Variants in NEK10 observed in about 807,000 individuals in gnomAD.
The protein encoded by NEK10 is NIMA related kinase 10.
Under a neutral mutation model 159.8 loss-of-function variants are expected in NEK10, and 122 were observed. That is an observed-to-expected ratio of 0.76 (90% CI 0.66 to 0.89). NEK10 has a LOEUF of 0.89. Among genes scored for constraint, NEK10 ranks in the 40% least tolerant of loss-of-function variants. NEK10 has a pLI of 0.00. For missense variants in NEK10, 1,342 were observed against 1,323.1 expected, an observed-to-expected ratio of 1.01 and a Z score of -0.22; for synonymous variants, 466 against 457.1, an observed-to-expected ratio of 1.02 and a Z score of -0.25.
At chr3:27,145,554 C>A (rs1210312664) in intron 30 of NEK10, among the ~76,000 whole-genome samples, 1 of 152,296 alleles carries the variant, frequency 6.6e-6, no homozygotes, top group African/African-American at 2.4e-5. Context: ...TTTGTTTCCC[C>A]TTTGCAGTGT....
chr3:27,119,924 G>A (rs1446699459), intron 32 of NEK10, 56 bp from the exon 33 acceptor site: 9 of 1,317,678 alleles, frequency 6.8e-6, no homozygotes, highest in Non-Finnish European at 9.9e-6. Flanking sequence ...GAAATGGCAG[G>A]AGACCTCTGT....
intron 22 of NEK10, among the ~76,000 whole-genome samples, chr3:27,259,783 G>A (rs1425011504): frequency 6.6e-6 from 1 of 152,074 alleles, no homozygotes; most frequent in Non-Finnish European, 1.5e-5. Context: ...GATGGGGATG[G>A]CATTGAACCT....
At chr3:27,357,619 G>A (rs925870903) in intron 1 of NEK10, among the ~76,000 whole-genome samples, 2 of 152,198 alleles carry the variant, frequency 1.3e-5, no homozygotes, top group African/African-American at 4.8e-5. Flanking sequence ...TGGCAATGCT[G>A]AAGTGCTGTA....
At chr3:27,260,157 A>G (rs1378932417) in intron 22 of NEK10, among the ~76,000 whole-genome samples, 3 of 151,498 alleles carry the variant, frequency 2.0e-5, no homozygotes, top group Non-Finnish European at 4.4e-5. Context: ...CAATCATGTC[A>G]TCTGCAAACG....
At chr3:27,138,271 A>C (rs1943424875) in intron 31 of NEK10, among the ~76,000 whole-genome samples, 1 of 152,206 alleles carries the variant, frequency 6.6e-6, no homozygotes, top group Admixed American at 6.5e-5. Context: ...GCTACCCAGC[A>C]CAATACCCTC....
intron 22 of NEK10, among the ~76,000 whole-genome samples, chr3:27,280,102 A>C (rs1173409566): frequency 6.7e-6 from 1 of 149,360 alleles, no homozygotes; most frequent in African/African-American, 2.4e-5. Flanking sequence ...ATGGAAAAAA[A>C]AAAAAAAAAA....
At chr3:27,230,681 T>A (rs1953145985) in intron 23 of NEK10, among the ~76,000 whole-genome samples, 1 of 151,536 alleles carries the variant, frequency 6.6e-6, no homozygotes, top group South Asian at 2.1e-4. Flanking sequence ...AAAAAGATAA[T>A]CCATGCAAAA....
chr3:27,317,722 C>T (rs963117495), intron 6 of NEK10, among the ~76,000 whole-genome samples: 2 of 152,186 alleles, frequency 1.3e-5, no homozygotes, highest in Non-Finnish European at 2.9e-5. Context: ...ACTTTTAACA[C>T]TGAATCACTG....
intron 12 of NEK10, among the ~76,000 whole-genome samples, chr3:27,302,680 T>C (rs961789343): frequency 1.3e-5 from 2 of 152,212 alleles, no homozygotes; most frequent in African/African-American, 2.4e-5. Flanking sequence ...GTATTTATTT[T>C]TTATAGCAGC....
At chr3:27,312,814 T>G (rs1196885720) in intron 7 of NEK10, among the ~76,000 whole-genome samples, 1 of 152,138 alleles carries the variant, frequency 6.6e-6, no homozygotes, top group Non-Finnish European at 1.5e-5. Flanking sequence ...GAGGTACACC[T>G]CTAGTCAATT....
chr3:27,167,318 T>C (rs1946574345), intron 29 of NEK10, among the ~76,000 whole-genome samples: 1 of 152,210 alleles, frequency 6.6e-6, no homozygotes, highest in Non-Finnish European at 1.5e-5. Flanking sequence ...GGTTGGTACC[T>C]ATGTGCAATA....
chr3:27,178,614 T>C (rs1306641418), intron 26 of NEK10, among the ~76,000 whole-genome samples: 1 of 152,216 alleles, frequency 6.6e-6, no homozygotes, highest in African/African-American at 2.4e-5. Context: ...TTTTCATGGA[T>C]GATTGCACAA....
rs549884576 is a variant in NEK10 at position 27,108,221 on chromosome 3, A to C, written c.*3051T>G. 3.9e-5 allele frequency among the ~76,000 whole-genome samples: 6 copies of C among 152,328 alleles called. No individual in the cohort carries two copies. The South Asian group carries it at 1.2e-3, about 32-fold the overall frequency. On this transcript the variant is annotated 3_prime_UTR_variant, in exon 36 of 36. Transcript: ENST00000691995. ...ATTGTGTTCTGCTTTAGAATGCCTA[A>C]ACATTCTGTAAACACTGCCTAATGC...
intron 7 of NEK10, 128 bp from the exon 8 acceptor site, chr3:27,312,305 A>G: frequency 1.9e-6 from 1 of 527,594 alleles, no homozygotes; most frequent in Admixed American, 3.8e-5. Flanking sequence ...TAATACTCTC[A>G]TGCTCCTGGA....
chr3:27,182,480 T>C (rs1948221148), intron 26 of NEK10, among the ~76,000 whole-genome samples: 1 of 152,130 alleles, frequency 6.6e-6, no homozygotes, highest in Admixed American at 6.6e-5. Context: ...AGGGGAACCC[T>C]TGCAGACTGT....
intron 22 of NEK10, among the ~76,000 whole-genome samples, chr3:27,267,225 T>C (rs970535071): frequency 6.6e-6 from 1 of 152,222 alleles, no homozygotes; most frequent in African/African-American, 2.4e-5. Context: ...CTGTGGGCTA[T>C]AGTCATACCC....
At chr3:27,257,811 C>T (rs1457236774) in intron 22 of NEK10, among the ~76,000 whole-genome samples, 15 of 133,580 alleles carry the variant, frequency 1.1e-4, no homozygotes, top group African/African-American at 3.3e-4. Context: ...TTTTTTGAGA[C>T]GGAGTCTCAC....
chr3:27,290,457 A>G (rs2042918038), intron 19 of NEK10, among the ~76,000 whole-genome samples, 160 bp downstream of exon 19: 1 of 152,204 alleles, frequency 6.6e-6, no homozygotes, highest in African/African-American at 2.4e-5. Flanking sequence ...TTCAATGTCA[A>G]GCCTTAGGAA....
At chr3:27,322,905 T>G (rs571998812) in intron 5 of NEK10, among the ~76,000 whole-genome samples, 1 of 152,356 alleles carries the variant, frequency 6.6e-6, no homozygotes, top group East Asian at 1.9e-4. Context: ...TGATGGATGT[T>G]GAGTAGCACT....
Sources: allele counts gnomAD v4.1 joint callset (sites outside exome capture counted in the v4.1 genomes callset), GRCh38; gene constraint gnomAD v4.1.1; transcripts MANE v1.5; gene names NCBI Gene and HGNC (gene_info 2026-07-23, HGNC 2026-07-21).